The following TMEM184C variants were observed in gnomAD, a reference collection of about 807,000 sequenced individuals.
The protein encoded by TMEM184C is transmembrane protein 184C, also known as transmembrane protein 34.
TMEM184C carries 25 observed loss-of-function variants against 54.5 expected under a neutral mutation model. That is an observed-to-expected ratio of 0.46 (90% CI 0.33 to 0.64). The LOEUF is 0.64. Among genes scored for constraint, TMEM184C ranks in the 30% least tolerant of loss-of-function variants. The pLI is 0.02. For synonymous variants in TMEM184C, 148 were observed against 181.5 expected (o/e 0.82, Z 1.49); for missense variants, 335 against 520.3 (o/e 0.64, Z 3.46).
chr4:147,624,019 A>G (rs1464781153), intron 2 of TMEM184C, 43 bp from the exon 3 acceptor site: 16 of 1,611,344 alleles, frequency 9.9e-6, no homozygotes, highest in Non-Finnish European at 1.4e-5. Flanking sequence ...TTTCATAAAT[A>G]TGACATAAAA....
Position 147,623,809 on chromosome 4 carries a change from T to C in TMEM184C, c.124-25T>C, listed in dbSNP as rs1732760604. The C allele has an allele frequency of 5.0e-6, 8 of 1,610,402 alleles. No homozygotes were observed. In the South Asian group the frequency reaches 8.8e-5, roughly 18 times the overall value. On this transcript the variant is annotated intron_variant, in intron 1 of 9. Transcript: ENST00000296582. ...TTTTGTTTTAATATCAGAATTTATA[T>C]TAACATGTTATTTTGTTTCTTAAGG...
intron 8 of TMEM184C, 133 bp downstream of exon 8, chr4:147,633,135 C>T: frequency 1.5e-6 from 1 of 660,144 alleles, no homozygotes; most frequent in South Asian, 2.7e-5. Flanking sequence ...AACAGGGGAA[C>T]CCTAGAGAAA....
intron 8 of TMEM184C, among the ~76,000 whole-genome samples, 167 bp downstream of exon 8, chr4:147,633,169 G>A (rs898978058): frequency 2.0e-5 from 3 of 152,026 alleles, no homozygotes; most frequent in African/African-American, 7.2e-5. Context: ...CTAATTTGTA[G>A]CAGATCCATG....
intron 1 of TMEM184C, among the ~76,000 whole-genome samples, chr4:147,622,457 T>C (rs1252437821): frequency 6.6e-6 from 1 of 151,892 alleles, no homozygotes; most frequent in Non-Finnish European, 1.5e-5. Flanking sequence ...TGTTAACCAC[T>C]TACTGTGTGT....
chr4:147,633,075 C>G, intron 8 of TMEM184C, 73 bp downstream of exon 8: 1 of 1,278,596 alleles, frequency 7.8e-7, no homozygotes, highest in Non-Finnish European at 1.1e-6. Context: ...TCCACTAAAC[C>G]TGACAACACA....
At chr4:147,625,052 T>C in intron 4 of TMEM184C, 43 bp downstream of exon 4, 2 of 1,600,030 alleles carry the variant, frequency 1.2e-6, no homozygotes, top group Non-Finnish European at 1.7e-6. Context: ...TGGTTTTTCA[T>C]TTAAGCAGAG....
At chr4:147,620,430 A>G (rs552834883) in intron 1 of TMEM184C, among the ~76,000 whole-genome samples, 1 of 152,350 alleles carries the variant, frequency 6.6e-6, no homozygotes, top group East Asian at 1.9e-4. Flanking sequence ...AGGAAACCAG[A>G]AAAGATCTGA....
At position 147,617,859 on chromosome 4, in the gene TMEM184C, A is replaced by G; in HGVS notation, c.-98A>G. ...AGTCGCCCGACAGCTTTTTCTCCGT[A>G]GTATGCGAGTTGACAAAACAGCCAG... On this transcript the variant is annotated 5_prime_UTR_variant, in exon 1 of 10. Coordinates refer to ENST00000296582, the MANE Select transcript of TMEM184C (RefSeq NM_018241.3). The G allele has an allele frequency of 1.3e-6, 2 of 1,556,702 alleles. No homozygotes were observed. Among genetic ancestry groups the G allele is most frequent in the Non-Finnish European group, 1.8e-6 (2 of 1,134,738 alleles).
intron 4 of TMEM184C, among the ~76,000 whole-genome samples, chr4:147,626,780 T>C (rs1732822636): frequency 6.6e-6 from 1 of 152,126 alleles, no homozygotes; most frequent in Admixed American, 6.5e-5. Flanking sequence ...AATATATAGT[T>C]AGTTATTTCA....
chr4:147,617,799 G>C lies in TMEM184C; in HGVS notation c.-158G>C. The C allele has an allele frequency of 1.0e-6, 1 of 963,408 alleles. No homozygotes were observed. The highest frequency in any genetic ancestry group is 1.6e-6 in the Non-Finnish European group (1 of 621,078). The allele number at this position is 963,408 out of a possible 1,614,324, so 59.7% of individuals were successfully genotyped here. On this transcript the variant is annotated 5_prime_UTR_variant, in exon 1 of 10. Transcript: ENST00000296582. ...AGAAGCAGCAGCAGCAGAAGACACA[G>C]CGCCGGTCCAGGAGGCGGCTCGAGC...
chr4:147,625,762 A>G (rs1051283791), intron 4 of TMEM184C, among the ~76,000 whole-genome samples: 15 of 152,292 alleles, frequency 9.8e-5, no homozygotes, highest in East Asian at 9.6e-4. Context: ...CACTAATGCA[A>G]CCGCCCAAGG....
intron 3 of TMEM184C, 94 bp downstream of exon 3, chr4:147,624,192 C>T (rs1397501130): frequency 2.8e-6 from 3 of 1,087,066 alleles, no homozygotes; most frequent in African/African-American, 3.2e-5. Flanking sequence ...ATGTTATTGA[C>T]AAGGAGTCAG....
At chr4:147,631,244 T>G (rs1732912516) in intron 6 of TMEM184C, 149 bp from the exon 7 acceptor site, 1 of 551,076 alleles carries the variant, frequency 1.8e-6, no homozygotes, top group African/African-American at 2.0e-5. Context: ...TAGTAAACTA[T>G]GAAAGCTTGT....
In TMEM184C at chr4:147,617,857, G is replaced by T; in HGVS notation, c.-100G>T. On this transcript the variant is annotated 5_prime_UTR_variant, in exon 1 of 10. Coordinates refer to ENST00000296582, the MANE Select transcript of TMEM184C (RefSeq NM_018241.3). ...AAAGTCGCCCGACAGCTTTTTCTCC[G>T]TAGTATGCGAGTTGACAAAACAGCC... 1 of 1,554,042 alleles carries T rather than the reference G, an allele frequency of 6.4e-7. No individual in the cohort carries two copies. Among genetic ancestry groups the T allele is most frequent in the Non-Finnish European group, 8.8e-7 (1 of 1,133,212 alleles).
Position 147,634,535 on chromosome 4 carries a change from A to C in TMEM184C, c.*101A>C. 7.2e-7 allele frequency: 1 copy of C among 1,384,468 alleles called. No homozygotes were observed. The allele number at this position is 1,384,468 out of a possible 1,614,324, so 85.8% of individuals were successfully genotyped here. A position where few individuals can be genotyped will look rare whatever the true frequency, so the allele number is the denominator to read the frequency against. On this transcript the variant is annotated 3_prime_UTR_variant, in exon 10 of 10. Coordinates refer to ENST00000296582, the MANE Select transcript of TMEM184C (RefSeq NM_018241.3). ...CAGACCATAAATGATGGAAAATGTC[A>C]ACACAAAAATAGCTGAAAGCCAGGT...
In TMEM184C at chr4:147,635,117, CG is replaced by C. The variant is rs1002555319; in HGVS notation, c.*684del. 1 of 152,128 alleles carries C rather than the reference CG, an allele frequency of 6.6e-6. No homozygotes were observed. The highest frequency in any genetic ancestry group is 6.5e-5 in the Admixed American group (1 of 15,268). 9.4% of individuals were successfully genotyped at this position (152,128 alleles called of 1,614,324 possible). On this transcript the variant is annotated 3_prime_UTR_variant, in exon 10 of 10. Coordinates refer to ENST00000296582, the MANE Select transcript of TMEM184C (RefSeq NM_018241.3). ...TATCAGAAAGCATAATGCAGAAATACGAATTAGTGGAACTTAATCATGTGCC... is the reference window on the plus strand; with the variant it reads ...TATCAGAAAGCATAATGCAGAAATACAATTAGTGGAACTTAATCATGTGCC...
In TMEM184C at chr4:147,621,977, C is replaced by CT. The variant is rs1264517076; in HGVS notation, c.124-1850dup. ...CAATTACTTGGCAATACTTTTTTTT[C>CT]TTTTTTTCTTTCTTTTTTTTTTTTT... On this transcript the variant is annotated intron_variant, in intron 1 of 9. Coordinates refer to ENST00000296582, the MANE Select transcript of TMEM184C (RefSeq NM_018241.3). Among the ~76,000 whole-genome samples, 38 of 127,978 alleles carry CT rather than the reference C, an allele frequency of 3.0e-4. No homozygotes were observed. In the East Asian group the frequency reaches 7.4e-3, roughly 25 times the overall value. 84.0% of individuals were successfully genotyped at this position (127,978 alleles called of 152,430 possible). A position where few individuals can be genotyped will look rare whatever the true frequency, so the allele number is the denominator to read the frequency against.
chr4:147,630,625 A>C (rs1578861212), intron 6 of TMEM184C, among the ~76,000 whole-genome samples: 1 of 152,196 alleles, frequency 6.6e-6, no homozygotes, highest in East Asian at 1.9e-4. Context: ...ATGTATTTTA[A>C]GTGGAAAAAA....
At chr4:147,628,494 C>T (rs1320161288) in intron 5 of TMEM184C, 59 bp downstream of exon 5, 1 of 1,373,798 alleles carries the variant, frequency 7.3e-7, no homozygotes, top group Non-Finnish European at 1.0e-6. Flanking sequence ...TATGTGGGAA[C>T]AACTAAGTAG....
Sources: allele counts gnomAD v4.1 joint callset (sites outside exome capture counted in the v4.1 genomes callset), GRCh38; gene constraint gnomAD v4.1.1; transcripts MANE v1.5; gene names NCBI Gene and HGNC (gene_info 2026-07-23, HGNC 2026-07-21).